PRPF18: variants seen among roughly 807,000 people sequenced by gnomAD.
PRPF18 encodes the protein pre-mRNA processing factor 18.
Under a neutral mutation model 46.5 loss-of-function variants are expected in PRPF18, and 38 were observed. The observed-to-expected ratio is 0.82, with a 90% CI of 0.63 to 1.07. PRPF18 has a LOEUF of 1.07. PRPF18 is among the 50% of genes least tolerant of loss of function. The pLI is 0.00. For missense variants in PRPF18, 263 were observed against 410.0 expected, an observed-to-expected ratio of 0.64 and a Z score of 3.10; for synonymous variants, 152 against 146.7, an observed-to-expected ratio of 1.04 and a Z score of -0.26.
At chr10:13,625,052 G>C (rs1204487964) in intron 9 of PRPF18, among the ~76,000 whole-genome samples, 2 of 152,200 alleles carry the variant, frequency 1.3e-5, no homozygotes. Context: ...TATCCTTAGA[G>C]GCCAAGCGTG....
At chr10:13,613,247 G>A (rs1400928093) in intron 6 of PRPF18, among the ~76,000 whole-genome samples, 2 of 152,070 alleles carry the variant, frequency 1.3e-5, no homozygotes, top group African/African-American at 4.8e-5. Context: ...AGTTATCTAG[G>A]GGTGGGGGTG....
At position 13,587,149 on chromosome 10, in the gene PRPF18, G is replaced by A; in HGVS notation, c.63G>A (p.Leu21=). The A allele has an allele frequency of 1.9e-6, 3 of 1,613,480 alleles. No individual in the cohort carries two copies. Among genetic ancestry groups the A allele is most frequent in the Non-Finnish European group, 2.5e-6 (3 of 1,179,408 alleles). ...AGCTGGTGGAGGACAGGAACCTGCT[G>A]GTGGTGAGGACCCTGCGGTCGTGGG... is the stretch of plus-strand genomic sequence containing the variant. ...KRQLVEDRNL[L]VENKKYFKRS... The change falls in exon 1 of 10, where the codon CTG becomes CTA. Residue 21 remains leucine (L), a synonymous_variant. Transcript: ENST00000378572.
intron 6 of PRPF18, among the ~76,000 whole-genome samples, chr10:13,611,972 C>A (rs1037160478): frequency 6.6e-6 from 1 of 151,718 alleles, no homozygotes; most frequent in African/African-American, 2.4e-5. Flanking sequence ...CTCCACCTCC[C>A]GGGTTCAAGT....
chr10:13,633,266 T>C (rs1426185400), downstream of PRPF18, among the ~76,000 whole-genome samples: 1 of 152,154 alleles, frequency 6.6e-6, no homozygotes, highest in Non-Finnish European at 1.5e-5. Context: ...TGATCTGCTG[T>C]GGGCCCAGAG....
chr10:13,636,536 A>G, the PRPF18 span, among the ~76,000 whole-genome samples: 7 of 152,300 alleles, frequency 4.6e-5, no homozygotes, highest in East Asian at 1.9e-4. Context: ...CCCTTTGAAA[A>G]TTATTTCCTA....
chr10:13,591,379 C>T lies in PRPF18; in HGVS notation c.66+4227C>T, dbSNP rs1479476350. Reference sequence around the variant, plus strand: ...AAGTTTTATGAAATAATTCTTACAACCACAAATGATTTTATCATGTTTTAT... The same window carrying T: ...AAGTTTTATGAAATAATTCTTACAATCACAAATGATTTTATCATGTTTTAT... On this transcript the variant is annotated intron_variant, in intron 1 of 9. Transcript: ENST00000378572. 10 of 413,778 alleles carry T rather than the reference C, an allele frequency of 2.4e-5. No homozygotes were observed. The South Asian group carries it at 4.1e-4, about 17-fold the overall frequency. The allele number at this position is 413,778 out of a possible 1,614,324, so 25.6% of individuals were successfully genotyped here. A position where few individuals can be genotyped will look rare whatever the true frequency, so the allele number is the denominator to read the frequency against.
At chr10:13,618,045 T>G (rs1026887100) in intron 9 of PRPF18, among the ~76,000 whole-genome samples, 6 of 152,166 alleles carry the variant, frequency 3.9e-5, no homozygotes, top group African/African-American at 1.4e-4. Context: ...ATGCTAGAGA[T>G]GTATGTCAGG....
At position 13,601,420 on chromosome 10, in the gene PRPF18, A is replaced by G. The variant is rs553873904; in HGVS notation, c.249+1072A>G. ...AATTTAAAGATAATCAAGTGATATA[A>G]AGAAATCAAATCAATACAAAAGGCT... On this transcript the variant is annotated intron_variant, in intron 3 of 9. Transcript: ENST00000378572. Among the ~76,000 whole-genome samples, 207 of 152,358 alleles carry G rather than the reference A, an allele frequency of 1.4e-3. 7 individuals carry two copies. In the South Asian group the frequency reaches 0.042, roughly 31 times the overall value.
At chr10:13,651,233 A>C in the PRPF18 span, 1 of 152,264 alleles carries the variant, frequency 6.6e-6, no homozygotes, top group African/African-American at 2.4e-5. Flanking sequence ...TGGCTTATGG[A>C]CATTTGGAAA....
intron 6 of PRPF18, among the ~76,000 whole-genome samples, chr10:13,612,304 G>C (rs1208857337): frequency 1.3e-5 from 2 of 151,710 alleles, no homozygotes; most frequent in East Asian, 3.9e-4. Flanking sequence ...GCAGAGTCTT[G>C]CTCTGTCGCC....
chr10:13,646,909 GC>G, the PRPF18 span: 1 of 696,532 alleles, frequency 1.4e-6, no homozygotes, highest in Non-Finnish European at 1.8e-6. Context: ...TGGCGTTGAG[GC>G]GGTCAGATTA....
intron 6 of PRPF18, among the ~76,000 whole-genome samples, chr10:13,612,389 C>T (rs770879518): frequency 1.3e-5 from 2 of 152,068 alleles, no homozygotes; most frequent in Non-Finnish European, 2.9e-5. Context: ...TATCCTGCCT[C>T]AGCCTCTCAA....
At chr10:13,620,993 C>A (rs1036348923) in intron 9 of PRPF18, among the ~76,000 whole-genome samples, 7 of 152,180 alleles carry the variant, frequency 4.6e-5, no homozygotes, top group African/African-American at 1.7e-4. Flanking sequence ...GTTCATTCTT[C>A]CAAATAGAGA....
At chr10:13,651,957 G>A in the PRPF18 span, 4 of 1,591,238 alleles carry the variant, frequency 2.5e-6, no homozygotes, top group Non-Finnish European at 3.5e-6. Flanking sequence ...CAGAATGGGT[G>A]AGTTTTCTGT....
At chr10:13,602,541 G>A (rs2080128089) in intron 3 of PRPF18, among the ~76,000 whole-genome samples, 4 of 151,048 alleles carry the variant, frequency 2.6e-5, no homozygotes, top group Admixed American at 2.6e-4. Context: ...ATCATGCTTG[G>A]AAAGGTTTCC....
At chr10:13,654,528 G>A in the PRPF18 span, 2 of 1,534,612 alleles carry the variant, frequency 1.3e-6, no homozygotes, top group Non-Finnish European at 1.8e-6. Flanking sequence ...TGCAGGTGGT[G>A]CAAGAAAGGC....
At chr10:13,635,344 C>T (rs1196805951), downstream of PRPF18, among the ~76,000 whole-genome samples, 6 of 152,032 alleles carry the variant, frequency 3.9e-5, no homozygotes, top group Non-Finnish European at 5.9e-5. Flanking sequence ...TGAATTGTGT[C>T]GCAGTGAACA....
chr10:13,626,716 T>G (rs4750390), intron 9 of PRPF18, among the ~76,000 whole-genome samples: 71,398 of 151,892 alleles, frequency 0.47, 17,438 homozygotes, highest in African/African-American at 0.54. Flanking sequence ...TTAAAACGTT[T>G]GAAAAGGGTT....
chr10:13,625,304 G>A (rs1343211134), intron 9 of PRPF18, among the ~76,000 whole-genome samples: 5 of 152,060 alleles, frequency 3.3e-5, no homozygotes, highest in Admixed American at 3.3e-4. Context: ...GGTGACAGAC[G>A]GGTCTGAAAA....
Sources: allele counts gnomAD v4.1 joint callset (sites outside exome capture counted in the v4.1 genomes callset), GRCh38; gene constraint gnomAD v4.1.1; transcripts MANE v1.5; gene names NCBI Gene and HGNC (gene_info 2026-07-23, HGNC 2026-07-21).